The following CPEB3 variants were observed in gnomAD, a reference collection of about 807,000 sequenced individuals.
CPEB3 encodes the protein cytoplasmic polyadenylation element binding protein 3, also known as cytoplasmic polyadenylation element-binding protein 3.
A neutral mutation model predicts 67.2 loss-of-function variants in CPEB3; 20 were observed. The observed-to-expected ratio is 0.30, with a 90% CI of 0.21 to 0.43. The LOEUF is 0.43. CPEB3 is among the 20% of genes least tolerant of loss of function. The pLI, the probability that CPEB3 is intolerant of heterozygous loss-of-function variation, is 1.00. For missense variants in CPEB3, 746 were observed against 968.6 expected, an observed-to-expected ratio of 0.77 and a Z score of 3.05; for synonymous variants, 376 against 393.1, an observed-to-expected ratio of 0.96 and a Z score of 0.51.
At chr10:92,275,815 T>G (rs183240291) in intron 1 of CPEB3, among the ~76,000 whole-genome samples, 2 of 151,864 alleles carry the variant, frequency 1.3e-5, no homozygotes, top group Non-Finnish European at 2.9e-5. Context: ...TTCATCCATG[T>G]TATAGCATGT....
At chr10:92,126,309 T>C (rs1328076683) in intron 6 of CPEB3, among the ~76,000 whole-genome samples, 1 of 152,176 alleles carries the variant, frequency 6.6e-6, no homozygotes, top group Non-Finnish European at 1.5e-5. Flanking sequence ...ACTCCCCTTG[T>C]TACTCATAAC....
intron 6 of CPEB3, among the ~76,000 whole-genome samples, chr10:92,117,324 CTTTTT>C (rs35220275): frequency 3.9e-4 from 31 of 79,974 alleles, no homozygotes; most frequent in African/African-American, 4.3e-4. Context: ...GCCTGGCTGA[CTTTTT>C]TTTTTTTTTT....
chr10:92,119,641 C>T (rs955732398), intron 6 of CPEB3, among the ~76,000 whole-genome samples: 6 of 151,970 alleles, frequency 3.9e-5, no homozygotes, highest in African/African-American at 1.5e-4. Flanking sequence ...CAGTGTTATT[C>T]AAAGAAGAGA....
chr10:92,132,960 T>C (rs901331564), intron 6 of CPEB3, among the ~76,000 whole-genome samples: 25 of 152,182 alleles, frequency 1.6e-4, no homozygotes, highest in African/African-American at 6.0e-4. Flanking sequence ...AGACGTTCTT[T>C]GAAACCAATG....
At chr10:92,236,095 T>G (rs1851517519) in intron 2 of CPEB3, among the ~76,000 whole-genome samples, 1 of 152,126 alleles carries the variant, frequency 6.6e-6, no homozygotes, top group South Asian at 2.1e-4. Context: ...CCCAGTGGAG[T>G]GCCTCTCTGT....
intron 7 of CPEB3, among the ~76,000 whole-genome samples, chr10:92,101,830 C>T (rs556802928): frequency 1.3e-5 from 2 of 152,232 alleles, no homozygotes. Flanking sequence ...ATCGCTTGAA[C>T]CTGGAAGGCA....
chr10:92,236,740 A>T (rs1851554469), intron 2 of CPEB3, among the ~76,000 whole-genome samples: 2 of 143,002 alleles, frequency 1.4e-5, no homozygotes, highest in Admixed American at 1.4e-4. Context: ...CAAAAGTGAA[A>T]CATTGTCACA....
chr10:92,209,203 T>G (rs1849947091), intron 2 of CPEB3, among the ~76,000 whole-genome samples: 1 of 152,230 alleles, frequency 6.6e-6, no homozygotes, highest in Non-Finnish European at 1.5e-5. Flanking sequence ...GTAGACATTT[T>G]GGAAATTCTG....
chr10:92,137,149 G>T, intron 6 of CPEB3: 2 of 352,736 alleles, frequency 5.7e-6, no homozygotes, highest in Non-Finnish European at 5.4e-6. Flanking sequence ...AGATCTAAAG[G>T]CTACCCACAC....
intron 7 of CPEB3, among the ~76,000 whole-genome samples, chr10:92,095,417 T>C (rs1843812093): frequency 6.6e-6 from 1 of 151,996 alleles, no homozygotes; most frequent in Admixed American, 6.6e-5. Flanking sequence ...CAAAAAATAA[T>C]ATTGTGGTAC....
chr10:92,125,549 G>A (rs761556644), intron 6 of CPEB3, among the ~76,000 whole-genome samples: 19 of 152,166 alleles, frequency 1.2e-4, no homozygotes, highest in Non-Finnish European at 2.2e-4. Flanking sequence ...AGAACAAGGG[G>A]TAGAAGGCTC....
intron 2 of CPEB3, among the ~76,000 whole-genome samples, chr10:92,233,849 C>T (rs1169495467): frequency 6.6e-6 from 1 of 152,034 alleles, no homozygotes; most frequent in African/African-American, 2.4e-5. Context: ...GTGGCTCATG[C>T]CGGTAATCCC....
chr10:92,212,151 G>A (rs1199081010), intron 2 of CPEB3, among the ~76,000 whole-genome samples: 1 of 150,922 alleles, frequency 6.6e-6, no homozygotes, highest in African/African-American at 2.4e-5. Flanking sequence ...AAAGTGCCAG[G>A]ATTATAGGCA....
At chr10:92,122,365 T>TA (rs1845428367) in intron 6 of CPEB3, among the ~76,000 whole-genome samples, 1 of 152,202 alleles carries the variant, frequency 6.6e-6, no homozygotes, top group African/African-American at 2.4e-5. Context: ...GTTCATTAGT[T>TA]AGAGTATAGG....
intron 4 of CPEB3, among the ~76,000 whole-genome samples, chr10:92,152,693 C>T (rs1184507686): frequency 6.6e-6 from 1 of 152,122 alleles, no homozygotes; most frequent in Non-Finnish European, 1.5e-5. Flanking sequence ...TTCCTTAATA[C>T]CAAAAAGTTT....
chr10:92,232,324 G>C (rs1324561896), intron 2 of CPEB3, among the ~76,000 whole-genome samples: 1 of 151,740 alleles, frequency 6.6e-6, no homozygotes, highest in African/African-American at 2.4e-5. Flanking sequence ...CAAAGTGCTG[G>C]GATTACAGGC....
At chr10:92,281,382 C>T (rs752779965) in intron 1 of CPEB3, among the ~76,000 whole-genome samples, 3 of 151,874 alleles carry the variant, frequency 2.0e-5, no homozygotes, top group Non-Finnish European at 4.4e-5. Context: ...GCGTGAGCCA[C>T]CACGCTGGCC....
intron 6 of CPEB3, among the ~76,000 whole-genome samples, chr10:92,129,178 A>T (rs1291020879): frequency 6.6e-6 from 1 of 152,222 alleles, no homozygotes; most frequent in Non-Finnish European, 1.5e-5. Context: ...GAACAAGATT[A>T]TGTCCTTTGC....
chr10:92,090,709 C>T (rs1843578066), intron 8 of CPEB3, among the ~76,000 whole-genome samples: 1 of 152,198 alleles, frequency 6.6e-6, no homozygotes, highest in Non-Finnish European at 1.5e-5. Context: ...TATTTCACAA[C>T]ACCTCCACCA....
Sources: gnomAD v4.1 joint callset for allele counts (sites outside exome capture counted in the v4.1 genomes callset) on GRCh38, gnomAD v4.1.1 for gene constraint, MANE v1.5 for transcripts, NCBI Gene and HGNC (gene_info 2026-07-23, HGNC 2026-07-21) for gene names.